Variants in STK17B observed in about 807,000 individuals in gnomAD.
The protein encoded by STK17B is serine/threonine kinase 17b.
A neutral mutation model predicts 42.0 loss-of-function variants in STK17B; 21 were observed. The ratio of observed to expected loss-of-function variants is 0.50; its 90% confidence interval spans 0.35 to 0.72. The LOEUF is 0.72. Among genes scored for constraint, STK17B ranks in the 30% least tolerant of loss-of-function variants. The pLI is 0.00. For synonymous variants in STK17B, 143 were observed against 148.4 expected (o/e 0.96, Z 0.26); for missense variants, 349 against 446.0 (o/e 0.78, Z 1.96).
At chr2:196,173,996 G>C (rs1484101027), upstream of STK17B, among the ~76,000 whole-genome samples, 1 of 152,040 alleles carries the variant, frequency 6.6e-6, no homozygotes, top group Non-Finnish European at 1.5e-5. Flanking sequence ...ACTGACTAAG[G>C]GACCACCCTG....
In STK17B at chr2:196,141,309, G is replaced by A. The variant is rs1049046818; in HGVS notation, c.608-12C>T. 1 of 1,597,190 alleles carries A rather than the reference G, an allele frequency of 6.3e-7. No homozygotes were observed. The highest frequency in any genetic ancestry group is 1.3e-5 in the African/African-American group (1 of 74,710). The stretch of plus-strand genomic sequence containing the variant: ...CAGGATTTCTGGAGCTGAAAGAAAA[G>A]ATAAAACTTAAATTCAATATTGACA... On this transcript the variant is annotated splice_polypyrimidine_tract_variant and intron_variant, in intron 5 of 7. Transcript: ENST00000263955.
chr2:196,155,445 G>A (rs1699725565), intron 3 of STK17B, among the ~76,000 whole-genome samples: 1 of 151,670 alleles, frequency 6.6e-6, no homozygotes, highest in African/African-American at 2.4e-5. Context: ...TCTATTTCGT[G>A]GAACAAAAAC....
At chr2:196,168,390 G>A (rs1699896621) in intron 1 of STK17B, among the ~76,000 whole-genome samples, 1 of 152,212 alleles carries the variant, frequency 6.6e-6, no homozygotes, top group Non-Finnish European at 1.5e-5. Flanking sequence ...GGCAACAAAT[G>A]CATGGTGCTT....
At chr2:196,160,450 C>T (rs1699795869) in intron 2 of STK17B, among the ~76,000 whole-genome samples, 1 of 152,098 alleles carries the variant, frequency 6.6e-6, no homozygotes, top group Non-Finnish European at 1.5e-5. Flanking sequence ...ACATAATTTC[C>T]TTTAATTTGC....
At chr2:196,175,075 A>T (rs1399498567), upstream of STK17B, among the ~76,000 whole-genome samples, 4 of 152,080 alleles carry the variant, frequency 2.6e-5, no homozygotes, top group East Asian at 7.7e-4. Flanking sequence ...GTAAACACAG[A>T]TAAAATTAAT....
At position 196,133,594 on chromosome 2, in the gene STK17B, A is replaced by ATTTATATGTCT. The variant is rs1699353129; in HGVS notation, c.*3852_*3853insAGACATATAAA. ...TTTTCAGATTTATATGCCTTTACAG[A>ATTTATATGTCT]TATGTTTATTAGACACAAAGAGGGT... On this transcript the variant is annotated 3_prime_UTR_variant, in exon 8 of 8. Coordinates refer to ENST00000263955, the MANE Select transcript of STK17B (RefSeq NM_004226.4). 1 of 152,258 alleles carries ATTTATATGTCT rather than the reference A, an allele frequency of 6.6e-6. No individual in the cohort carries two copies. The highest frequency in any genetic ancestry group is 1.5e-5 in the Non-Finnish European group (1 of 68,038). 9.4% of individuals were successfully genotyped at this position (152,258 alleles called of 1,614,324 possible).
At chr2:196,153,215 T>C (rs1260189284) in intron 3 of STK17B, 1 of 131,198 alleles carries the variant, frequency 7.6e-6, no homozygotes, top group African/African-American at 2.8e-5. Context: ...TCTAACTAGA[T>C]ACCCTTAATG....
rs1326540767 is a variant in STK17B at position 196,136,509 on chromosome 2, T to C, written c.*938A>G. 6.6e-6 allele frequency: 1 copy of C among 152,464 alleles called. No homozygotes were observed. Among genetic ancestry groups the C allele is most frequent in the Non-Finnish European group, 1.5e-5 (1 of 68,036 alleles). The allele number at this position is 152,464 out of a possible 1,614,324, so 9.4% of individuals were successfully genotyped here. A position where few individuals can be genotyped will look rare whatever the true frequency, so the allele number is the denominator to read the frequency against. On this transcript the variant is annotated 3_prime_UTR_variant, in exon 8 of 8. Coordinates refer to ENST00000263955, the MANE Select transcript of STK17B (RefSeq NM_004226.4). ...GTGCTGTAATTTTTTATGCATACTT[T>C]TAGAACTCTGAATGACTGGCTTGTA... is the stretch of plus-strand genomic sequence containing the variant.
At chr2:196,145,887 T>C (rs1699566189) in intron 4 of STK17B, 24 bp downstream of exon 4, 2 of 1,537,686 alleles carry the variant, frequency 1.3e-6, no homozygotes, top group African/African-American at 1.4e-5. Context: ...AGATGTTGCA[T>C]TACTTTAAAT....
chr2:196,162,961 C>T lies in STK17B; in HGVS notation c.122+301G>A, dbSNP rs145646604. On this transcript the variant is annotated intron_variant, in intron 2 of 7. Coordinates refer to ENST00000263955, the MANE Select transcript of STK17B (RefSeq NM_004226.4). ...CACCTAGTAACTGGTGGAGTCCAAA[C>T]TTGAACTCGGCAGTCCACTATGCTG... 5.9e-3 allele frequency among the ~76,000 whole-genome samples: 902 copies of T among 152,280 alleles called. 7 individuals carry two copies. Among genetic ancestry groups the T allele is most frequent in the African/African-American group, 0.021 (869 of 41,546 alleles).
intron 4 of STK17B, 109 bp downstream of exon 4, chr2:196,145,802 A>G: frequency 8.8e-7 from 1 of 1,131,326 alleles, no homozygotes; most frequent in Non-Finnish European, 1.2e-6. Context: ...TGCAGTCTAG[A>G]AGACCAGGAA....
At chr2:196,142,494 A>G (rs923070520) in intron 5 of STK17B, among the ~76,000 whole-genome samples, 1 of 152,230 alleles carries the variant, frequency 6.6e-6, no homozygotes, top group African/African-American at 2.4e-5. Context: ...CTTTCTAAAC[A>G]TTACCATATT....
rs924820870 is a variant in STK17B, at chr2:196,171,436, G to A, written c.-148C>T. On this transcript the variant is annotated 5_prime_UTR_variant, in exon 1 of 8. Transcript: ENST00000263955. The stretch of plus-strand genomic sequence containing the variant: ...AGGACGAGTTCTCTAGCTCCAGCCG[G>A]GCGAGGCGCCAGGGAGCTCCGAACG... 2.8e-4 allele frequency: 43 copies of A among 152,298 alleles called. No homozygotes were observed. The highest frequency in any genetic ancestry group is 2.5e-4 in the Non-Finnish European group (17 of 68,098). The allele number at this position is 152,298 out of a possible 1,614,324, so 9.4% of individuals were successfully genotyped here.
chr2:196,133,921 A>T lies in STK17B; in HGVS notation c.*3526T>A, dbSNP rs1481385643. Reference sequence around the variant, plus strand: ...TATAAATTGATAATAATCCCCCCAAACTGAAGTGAAATACTTTTAATACTA... The same window carrying T: ...TATAAATTGATAATAATCCCCCCAATCTGAAGTGAAATACTTTTAATACTA... On this transcript the variant is annotated 3_prime_UTR_variant, in exon 8 of 8. Coordinates refer to ENST00000263955, the MANE Select transcript of STK17B (RefSeq NM_004226.4). 2 of 152,192 alleles carry T rather than the reference A, an allele frequency of 1.3e-5. No individual in the cohort carries two copies. The highest frequency in any genetic ancestry group is 2.9e-5 in the Non-Finnish European group (2 of 68,028). 9.4% of individuals were successfully genotyped at this position (152,192 alleles called of 1,614,324 possible). A position where few individuals can be genotyped will look rare whatever the true frequency, so the allele number is the denominator to read the frequency against.
chr2:196,145,671 A>C (rs898781268), intron 4 of STK17B, among the ~76,000 whole-genome samples: 4 of 152,194 alleles, frequency 2.6e-5, no homozygotes, highest in Non-Finnish European at 4.4e-5. Flanking sequence ...GTAGGATTAG[A>C]ACACAGGAAT....
chr2:196,165,790 G>C (rs1483670639), intron 1 of STK17B: 1 of 152,226 alleles, frequency 6.6e-6, no homozygotes, highest in East Asian at 1.9e-4. Context: ...CACAGGTACA[G>C]TGCAAGTCAC....
chr2:196,156,575 T>G lies in STK17B; in HGVS notation c.199A>C (p.Arg67=). The change falls in exon 3 of 8, where the codon AGA becomes CGA. Residue 67 remains arginine (R), a synonymous_variant. Coordinates refer to ENST00000263955, the MANE Select transcript of STK17B (RefSeq NM_004226.4). ...GCTCGACAATCCTGTCCTCTTCTTC[T>G]CTTTTTTAGAAATTTTGCAGCATAT... The part of the protein sequence containing the change: ...QEYAAKFLKK[R]RRGQDCRAEI... 1 of 1,614,116 alleles carries G rather than the reference T, an allele frequency of 6.2e-7. No individual in the cohort carries two copies. The highest frequency in any genetic ancestry group is 1.7e-5 in the Admixed American group (1 of 60,018).
chr2:196,155,164 C>A (rs1283345834), intron 3 of STK17B, among the ~76,000 whole-genome samples: 2 of 152,192 alleles, frequency 1.3e-5, no homozygotes. Flanking sequence ...TTTTTACACA[C>A]TTCAAACATG....
In STK17B at chr2:196,135,840, A is replaced by G. The variant is rs1369019984; in HGVS notation, c.*1607T>C. ...TGAGTTGAGCACAATATACCACAGCAAAGAATCTTGAAAAGTGTCTAAAGA... is the reference window on the plus strand; with the variant it reads ...TGAGTTGAGCACAATATACCACAGCGAAGAATCTTGAAAAGTGTCTAAAGA... On this transcript the variant is annotated 3_prime_UTR_variant, in exon 8 of 8. Coordinates refer to ENST00000263955, the MANE Select transcript of STK17B (RefSeq NM_004226.4). The G allele has an allele frequency of 6.6e-6, 1 of 151,614 alleles. No homozygotes were observed. The highest frequency in any genetic ancestry group is 1.5e-5 in the Non-Finnish European group (1 of 67,908). The allele number at this position is 151,614 out of a possible 1,614,324, so 9.4% of individuals were successfully genotyped here.
Sources: allele counts gnomAD v4.1 joint callset (sites outside exome capture counted in the v4.1 genomes callset), GRCh38; gene constraint gnomAD v4.1.1; transcripts MANE v1.5; gene names NCBI Gene and HGNC (gene_info 2026-07-23, HGNC 2026-07-21).